Variants in SNTG1 observed in about 807,000 individuals in gnomAD.
SNTG1 encodes the protein gamma-1-syntrophin.
A neutral mutation model predicts 74.7 loss-of-function variants in SNTG1; 39 were observed. That is an observed-to-expected ratio of 0.52 (90% CI 0.40 to 0.68). The LOEUF (loss-of-function observed/expected upper bound fraction) is 0.68, where lower values mean the gene tolerates loss of function less well. Ranked by LOEUF, SNTG1 falls within the 30% of genes least tolerant of loss-of-function variation. The probability of loss-of-function intolerance (pLI) is 0.00; values close to 1 mark genes in which losing one functional copy is unlikely to be tolerated. For missense variants in SNTG1, 685 were observed against 609.5 expected, an observed-to-expected ratio of 1.12 and a Z score of -1.30; for synonymous variants, 254 against 217.1, an observed-to-expected ratio of 1.17 and a Z score of -1.49.
chr8:50,699,528 T>C (rs1312364470), intron 15 of SNTG1, among the ~76,000 whole-genome samples: 2 of 152,164 alleles, frequency 1.3e-5, no homozygotes, highest in Admixed American at 6.5e-5. Context: ...AAACCTGTTG[T>C]TTCTTTGTAA....
intron 1 of SNTG1, among the ~76,000 whole-genome samples, chr8:50,167,181 G>C (rs1397863607): frequency 6.8e-6 from 1 of 146,066 alleles, no homozygotes; most frequent in Non-Finnish European, 1.5e-5. Flanking sequence ...TAGATGACAC[G>C]TTAGTGGGTG....
At chr8:50,722,335 C>T (rs1222973733) in intron 17 of SNTG1, among the ~76,000 whole-genome samples, 1 of 151,744 alleles carries the variant, frequency 6.6e-6, no homozygotes, top group East Asian at 2.0e-4. Flanking sequence ...CCACCACTCC[C>T]AGCTAATTTT....
chr8:50,707,230 A>T (rs1003917589), intron 16 of SNTG1, among the ~76,000 whole-genome samples: 1 of 152,062 alleles, frequency 6.6e-6, no homozygotes, highest in African/African-American at 2.4e-5. Flanking sequence ...CACCGAATTT[A>T]TTTTCACCTG....
At chr8:49,938,918 G>A (rs540265708) in intron 1 of SNTG1, among the ~76,000 whole-genome samples, 107 of 151,956 alleles carry the variant, frequency 7.0e-4, no homozygotes, top group African/African-American at 2.3e-3. Flanking sequence ...GTATGTGTAA[G>A]TGTTTCATAG....
intron 15 of SNTG1, among the ~76,000 whole-genome samples, chr8:50,678,190 A>C (rs1321716795): frequency 6.6e-6 from 1 of 152,000 alleles, no homozygotes; most frequent in Non-Finnish European, 1.5e-5. Context: ...TAATATCAAA[A>C]TCTATTATTA....
At chr8:50,284,201 G>A (rs994882049) in intron 2 of SNTG1, among the ~76,000 whole-genome samples, 1 of 151,894 alleles carries the variant, frequency 6.6e-6, no homozygotes, top group African/African-American at 2.4e-5. Context: ...CTTATGAATA[G>A]ATAAACATAT....
chr8:50,531,771 C>G, intron 10 of SNTG1, among the ~76,000 whole-genome samples: 1 of 152,156 alleles, frequency 6.6e-6, no homozygotes, highest in East Asian at 1.9e-4. Context: ...CTCACCTCTG[C>G]TCCTAAGACA....
intron 2 of SNTG1, among the ~76,000 whole-genome samples, chr8:50,180,821 C>T (rs1210572054): frequency 7.4e-6 from 1 of 135,866 alleles, no homozygotes; most frequent in Non-Finnish European, 1.5e-5. Flanking sequence ...AGTGCAATGG[C>T]ACAAGCTCGG....
chr8:50,306,350 T>C (rs1246073155), intron 2 of SNTG1, among the ~76,000 whole-genome samples: 1 of 152,096 alleles, frequency 6.6e-6, no homozygotes, highest in Non-Finnish European at 1.5e-5. Flanking sequence ...TGGGCTGCAA[T>C]AAACATATGT....
At chr8:50,232,721 T>A (rs2085691459) in intron 2 of SNTG1, among the ~76,000 whole-genome samples, 1 of 151,370 alleles carries the variant, frequency 6.6e-6, no homozygotes, top group Non-Finnish European at 1.5e-5. Context: ...AACTAATAAG[T>A]AAGTTCAGCA....
intron 8 of SNTG1, among the ~76,000 whole-genome samples, chr8:50,502,436 A>G (rs2093968678): frequency 6.6e-6 from 1 of 152,202 alleles, no homozygotes. Context: ...TTAATAATTT[A>G]CCAATAAATA....
intron 13 of SNTG1, among the ~76,000 whole-genome samples, chr8:50,610,531 T>C (rs2130983123): frequency 6.6e-6 from 1 of 152,296 alleles, no homozygotes; most frequent in East Asian, 1.9e-4. Context: ...TGTCTGACAA[T>C]TTCCCCAGTA....
intron 8 of SNTG1, among the ~76,000 whole-genome samples, chr8:50,453,215 G>A (rs936164307): frequency 1.3e-5 from 2 of 152,154 alleles, no homozygotes; most frequent in African/African-American, 4.8e-5. Flanking sequence ...ATTTTACATT[G>A]TTCAGGTAGT....
chr8:50,368,618 G>C (rs538871347), intron 2 of SNTG1, among the ~76,000 whole-genome samples: 1 of 152,154 alleles, frequency 6.6e-6, no homozygotes, highest in Non-Finnish European at 1.5e-5. Flanking sequence ...TTGAACTGAA[G>C]AGGATAGGGG....
chr8:50,736,877 A>G (rs1015042083), intron 17 of SNTG1, among the ~76,000 whole-genome samples: 19 of 152,156 alleles, frequency 1.2e-4, no homozygotes, highest in Admixed American at 3.9e-4. Flanking sequence ...GAATAAAGAC[A>G]CAACGTACCG....
chr8:50,469,901 C>G lies in SNTG1; in HGVS notation c.363+19172C>G, dbSNP rs543274404. On this transcript the variant is annotated intron_variant, in intron 8 of 18. Transcript: ENST00000642720. ...GGCTGAGGCAGGAAAATTGCTTGAA[C>G]TGGGAGGCAGAGGTTGCAATGAGCC... is the stretch of plus-strand genomic sequence containing the variant. Among the ~76,000 whole-genome samples the G allele has an allele frequency of 3.3e-5, 5 of 152,252 alleles. No homozygotes were observed. In the South Asian group the frequency reaches 1.0e-3, roughly 32 times the overall value.
At chr8:49,942,393 C>A (rs1230145040) in intron 1 of SNTG1, among the ~76,000 whole-genome samples, 1 of 151,974 alleles carries the variant, frequency 6.6e-6, no homozygotes, top group Non-Finnish European at 1.5e-5. Context: ...TCTCAAACAC[C>A]CCATATGAAG....
chr8:50,550,693 G>GTGTGTATA (rs1554571332), intron 11 of SNTG1, among the ~76,000 whole-genome samples: 1 of 149,026 alleles, frequency 6.7e-6, no homozygotes, highest in African/African-American at 2.5e-5. Flanking sequence ...TAGTGTGTGT[G>GTGTGTATA]TATATATATA....
intron 2 of SNTG1, among the ~76,000 whole-genome samples, chr8:50,327,502 A>T (rs1270509336): frequency 6.6e-6 from 1 of 152,126 alleles, no homozygotes; most frequent in Non-Finnish European, 1.5e-5. Flanking sequence ...ATTTGTATAA[A>T]CATTGTATGT....
Sources: gnomAD v4.1 joint callset for allele counts (sites outside exome capture counted in the v4.1 genomes callset) on GRCh38, gnomAD v4.1.1 for gene constraint, MANE v1.5 for transcripts, NCBI Gene and HGNC (gene_info 2026-07-23, HGNC 2026-07-21) for gene names.